CHCHD6: variants seen among roughly 807,000 people sequenced by gnomAD.
CHCHD6 encodes the protein MICOS complex subunit MIC25.
CHCHD6 carries 28 observed loss-of-function variants against 32.3 expected under a neutral mutation model. That is an observed-to-expected ratio of 0.87 (90% CI 0.64 to 1.19). The LOEUF is 1.19. Among genes scored for constraint, CHCHD6 ranks in the 50% most tolerant of loss-of-function variants. The pLI, the probability that CHCHD6 is intolerant of heterozygous loss-of-function variation, is 0.00. For missense variants in CHCHD6, 333 were observed against 307.0 expected, an observed-to-expected ratio of 1.08 and a Z score of -0.63; for synonymous variants, 122 against 117.5, an observed-to-expected ratio of 1.04 and a Z score of -0.25.
chr3:126,704,714 C>G (rs1199334068), intron 1 of CHCHD6, among the ~76,000 whole-genome samples: 1 of 152,160 alleles, frequency 6.6e-6, no homozygotes, highest in Non-Finnish European at 1.5e-5. Context: ...AATTTGCGCC[C>G]GGCCTCCCAG....
chr3:126,850,347 A>G (rs1397877997), intron 4 of CHCHD6, among the ~76,000 whole-genome samples: 2 of 152,248 alleles, frequency 1.3e-5, no homozygotes, highest in African/African-American at 2.4e-5. Flanking sequence ...TTGGACATGA[A>G]TAGAAAAGTA....
At position 126,796,767 on chromosome 3, in the gene CHCHD6, C is replaced by T. The variant is rs144926344; in HGVS notation, c.412-55880C>T. Among the ~76,000 whole-genome samples, 53 of 152,256 alleles carry T rather than the reference C, an allele frequency of 3.5e-4. No individual in the cohort carries two copies. In the East Asian group the frequency reaches 9.7e-3, roughly 28 times the overall value. On this transcript the variant is annotated intron_variant, in intron 4 of 7. Transcript: ENST00000290913. ...AGGGTTTCTGTGTGGGGATCGACTCCACTACACATGTACTTGGGAGGGTTT... is the reference window on the plus strand; with the variant it reads ...AGGGTTTCTGTGTGGGGATCGACTCTACTACACATGTACTTGGGAGGGTTT...
At chr3:126,845,909 GA>G (rs1941279491) in intron 4 of CHCHD6, among the ~76,000 whole-genome samples, 1 of 152,090 alleles carries the variant, frequency 6.6e-6, no homozygotes, top group African/African-American at 2.4e-5. Flanking sequence ...TATTTTTTCA[GA>G]ACTCTGAAAA....
At chr3:126,823,990 A>G (rs1940269271) in intron 4 of CHCHD6, among the ~76,000 whole-genome samples, 1 of 152,154 alleles carries the variant, frequency 6.6e-6, no homozygotes, top group Non-Finnish European at 1.5e-5. Context: ...CAGGAGGTTC[A>G]CATGAGTCCT....
chr3:126,729,351 A>G (rs1935676895), intron 2 of CHCHD6, among the ~76,000 whole-genome samples: 1 of 152,230 alleles, frequency 6.6e-6, no homozygotes, highest in Non-Finnish European at 1.5e-5. Flanking sequence ...ACTGAAAGAA[A>G]CACATGTTCA....
intron 4 of CHCHD6, among the ~76,000 whole-genome samples, chr3:126,797,626 A>G (rs1938856747): frequency 6.6e-6 from 1 of 152,188 alleles, no homozygotes; most frequent in Non-Finnish European, 1.5e-5. Flanking sequence ...ACATGCTTTA[A>G]AAAGTTACTA....
At chr3:126,872,428 T>C (rs968726754) in intron 5 of CHCHD6, among the ~76,000 whole-genome samples, 5 of 152,322 alleles carry the variant, frequency 3.3e-5, no homozygotes, top group African/African-American at 9.6e-5. Context: ...GTATACCTCG[T>C]AATCACCTGA....
chr3:126,774,734 G>A lies in CHCHD6; in HGVS notation c.411+41512G>A, dbSNP rs144088596. Among the ~76,000 whole-genome samples, 80 of 152,358 alleles carry A rather than the reference G, an allele frequency of 5.3e-4. 1 individual carries two copies. Among genetic ancestry groups the A allele is most frequent in the African/African-American group, 1.9e-3 (78 of 41,596 alleles). ...TGAGGGTGGAAGTCCAGGGTCTCCA[G>A]TTGGCCTTTGCTGGTGAGGGTGGCA... On this transcript the variant is annotated intron_variant, in intron 4 of 7. Coordinates refer to ENST00000290913, the MANE Select transcript of CHCHD6 (RefSeq NM_032343.3).
At chr3:126,828,974 G>C (rs183286283) in intron 4 of CHCHD6, among the ~76,000 whole-genome samples, 2 of 151,928 alleles carry the variant, frequency 1.3e-5, no homozygotes, top group Non-Finnish European at 1.5e-5. Context: ...TGATTTCATT[G>C]ATTTCCACTC....
At chr3:126,908,320 G>A (rs977199381) in intron 5 of CHCHD6, among the ~76,000 whole-genome samples, 1 of 152,192 alleles carries the variant, frequency 6.6e-6, no homozygotes, top group Admixed American at 6.5e-5. Flanking sequence ...AGACTCCTCT[G>A]TGCTTTGGTC....
At chr3:126,903,890 A>T (rs928898376) in intron 5 of CHCHD6, among the ~76,000 whole-genome samples, 6 of 151,916 alleles carry the variant, frequency 3.9e-5, no homozygotes, top group Non-Finnish European at 8.8e-5. Flanking sequence ...CTGCTTTAAC[A>T]CCCTCTCCCT....
chr3:126,949,405 C>G (rs917206222), intron 6 of CHCHD6: 17 of 226,268 alleles, frequency 7.5e-5, no homozygotes, highest in Non-Finnish European at 1.1e-4. Context: ...AAGGCTGCAC[C>G]AACAGGTCTG....
intron 4 of CHCHD6, among the ~76,000 whole-genome samples, chr3:126,736,086 G>T (rs999017353): frequency 6.6e-6 from 1 of 152,334 alleles, no homozygotes; most frequent in East Asian, 1.9e-4. Flanking sequence ...GGTTGGTATG[G>T]TTGGGGAGTG....
intron 1 of CHCHD6, among the ~76,000 whole-genome samples, chr3:126,708,193 A>G (rs2107648594): frequency 6.6e-6 from 1 of 152,324 alleles, no homozygotes; most frequent in Non-Finnish European, 1.5e-5. Context: ...TGCCAAGTGT[A>G]TTCAGAGCAT....
intron 4 of CHCHD6, among the ~76,000 whole-genome samples, chr3:126,835,269 C>T (rs1940808400): frequency 6.6e-6 from 1 of 152,184 alleles, no homozygotes; most frequent in African/African-American, 2.4e-5. Flanking sequence ...GACAGTGCTC[C>T]CCACACAGCC....
intron 4 of CHCHD6, among the ~76,000 whole-genome samples, chr3:126,784,108 A>G (rs927618947): frequency 1.3e-5 from 2 of 152,158 alleles, no homozygotes; most frequent in Non-Finnish European, 2.9e-5. Context: ...TGTGAGAGTC[A>G]GTAGATGTGC....
At chr3:126,865,405 C>T (rs955130036) in intron 5 of CHCHD6, 7 of 200,402 alleles carry the variant, frequency 3.5e-5, no homozygotes, top group African/African-American at 1.4e-4. Flanking sequence ...CCTCTGCAGC[C>T]TCCACCACAA....
intron 5 of CHCHD6, among the ~76,000 whole-genome samples, chr3:126,912,147 A>G (rs2078099720): frequency 6.6e-6 from 1 of 152,092 alleles, no homozygotes; most frequent in Non-Finnish European, 1.5e-5. Context: ...TTACCCAAAG[A>G]ACACCGCCAG....
At chr3:126,810,475 G>A (rs1939609246) in intron 4 of CHCHD6, among the ~76,000 whole-genome samples, 2 of 152,148 alleles carry the variant, frequency 1.3e-5, no homozygotes, top group East Asian at 3.8e-4. Context: ...ACAGTTTGTG[G>A]TGATAGACTA....
Sources: allele counts gnomAD v4.1 joint callset (sites outside exome capture counted in the v4.1 genomes callset), GRCh38; gene constraint gnomAD v4.1.1; transcripts MANE v1.5; gene names NCBI Gene and HGNC (gene_info 2026-07-23, HGNC 2026-07-21).